Variants in SYNE1 observed in about 807,000 individuals in gnomAD.
SYNE1 encodes the protein nesprin-1.
SYNE1 carries 616 observed loss-of-function variants against 1,111.0 expected under a neutral mutation model. That is an observed-to-expected ratio of 0.55 (90% CI 0.52 to 0.59). The LOEUF (loss-of-function observed/expected upper bound fraction) is 0.59. Ranked by LOEUF, SYNE1 falls within the 20% of genes least tolerant of loss-of-function variation. The probability of loss-of-function intolerance (pLI) is 0.00; values close to 1 mark genes in which losing one functional copy is unlikely to be tolerated. For missense variants in SYNE1, 10,006 were observed against 10,417.0 expected (o/e 0.96, Z 1.72); for synonymous variants, 3,855 against 3,825.8 (o/e 1.01, Z -0.28).
chr6:152,535,969 G>T (rs1265251848), intron 4 of SYNE1, among the ~76,000 whole-genome samples: 1 of 152,018 alleles, frequency 6.6e-6, no homozygotes, highest in African/African-American at 2.4e-5. Context: ...AGACATCCAT[G>T]GTCATTAGGT....
In SYNE1 at chr6:152,135,130, G is replaced by A. The variant is rs778082271; in HGVS notation, c.25762C>T (p.Leu8588Phe). ...PIDSNLDAEI[L>F]QDHHKQLMQI... Reference sequence around the variant, plus strand: ...ATAAGCTGTTTGTGATGGTCCTGAAGTATCTCTGCATCAAGGTTAGAATCA... The same window carrying A: ...ATAAGCTGTTTGTGATGGTCCTGAAATATCTCTGCATCAAGGTTAGAATCA... The change falls in exon 142 of 146, where the codon CTT becomes TTT. Residue 8588 changes from leucine (L) to phenylalanine (F), a missense_variant. Leu to Phe is a conservative substitution (Grantham distance 22). Coordinates refer to ENST00000367255, the MANE Select transcript of SYNE1 (RefSeq NM_182961.4). The A allele has an allele frequency of 6.2e-7, 1 of 1,614,108 alleles. No individual in the cohort carries two copies.
At chr6:152,583,751 G>C (rs199790400) in intron 3 of SYNE1, among the ~76,000 whole-genome samples, 2 of 152,178 alleles carry the variant, frequency 1.3e-5, no homozygotes, top group East Asian at 1.9e-4. Context: ...TTGGAAGAGA[G>C]CACTATGCCT....
At chr6:152,150,294 A>G (rs2060185794) in intron 135 of SYNE1, among the ~76,000 whole-genome samples, 1 of 152,252 alleles carries the variant, frequency 6.6e-6, no homozygotes, top group Non-Finnish European at 1.5e-5. Flanking sequence ...ATTCAATACA[A>G]TAATAAATTG....
chr6:152,406,924 G>T, intron 45 of SYNE1, 90 bp downstream of exon 45: 3 of 973,956 alleles, frequency 3.1e-6, no homozygotes, highest in Non-Finnish European at 2.8e-6. Context: ...GTTAAAAGAA[G>T]AATAAACTTT....
chr6:152,631,434 CT>C (rs1425140607), intron 2 of SYNE1, among the ~76,000 whole-genome samples: 1 of 152,134 alleles, frequency 6.6e-6, no homozygotes, highest in Non-Finnish European at 1.5e-5. Flanking sequence ...GAGTGCTATG[CT>C]CAGAAGTTTG....
chr6:152,193,830 T>G (rs554917457), intron 127 of SYNE1, among the ~76,000 whole-genome samples: 4 of 151,678 alleles, frequency 2.6e-5, no homozygotes, highest in Non-Finnish European at 4.4e-5. Flanking sequence ...ACTAACACGG[T>G]GAAACCCTGT....
intron 55 of SYNE1, among the ~76,000 whole-genome samples, chr6:152,383,755 C>T (rs2097470177): frequency 6.6e-6 from 1 of 152,172 alleles, no homozygotes; most frequent in Non-Finnish European, 1.5e-5. Flanking sequence ...TCACTTTCAA[C>T]TCCATGTCTT....
At chr6:152,554,898 C>T (rs2099359719) in intron 3 of SYNE1, among the ~76,000 whole-genome samples, 1 of 152,316 alleles carries the variant, frequency 6.6e-6, no homozygotes, top group South Asian at 2.1e-4. Flanking sequence ...TCCAAGAAAA[C>T]ATTTTAATTT....
chr6:152,333,935 A>C, intron 77 of SYNE1, 73 bp downstream of exon 77: 3 of 1,595,130 alleles, frequency 1.9e-6, no homozygotes, highest in Middle Eastern at 1.8e-4. Flanking sequence ...ACCTGGGCAC[A>C]TTTTAAATTT....
intron 16 of SYNE1, among the ~76,000 whole-genome samples, chr6:152,470,721 A>T (rs2098800924): frequency 6.6e-6 from 1 of 152,216 alleles, no homozygotes; most frequent in African/African-American, 2.4e-5. Flanking sequence ...AGTCACTGTG[A>T]CTAATCAAGT....
At chr6:152,423,962 T>C (rs1250143545) in intron 39 of SYNE1, among the ~76,000 whole-genome samples, 4 of 152,250 alleles carry the variant, frequency 2.6e-5, no homozygotes, top group African/African-American at 9.6e-5. Flanking sequence ...GTCCCTGCCA[T>C]GCTACCCTGT....
At chr6:152,346,505 T>C (rs1360046481) in intron 73 of SYNE1, among the ~76,000 whole-genome samples, 1 of 152,094 alleles carries the variant, frequency 6.6e-6, no homozygotes. Flanking sequence ...AATCAACTCA[T>C]GGAATAAACA....
intron 43 of SYNE1, 151 bp from the exon 44 acceptor site, chr6:152,409,377 C>G: frequency 9.3e-7 from 1 of 1,074,068 alleles, no homozygotes; most frequent in Non-Finnish European, 1.3e-6. Flanking sequence ...TATATAACAC[C>G]ATTTTCTTGA....
intron 20 of SYNE1, among the ~76,000 whole-genome samples, chr6:152,462,225 C>T (rs2098738102): frequency 6.6e-6 from 1 of 151,934 alleles, no homozygotes; most frequent in African/African-American, 2.4e-5. Flanking sequence ...ATCTATACAT[C>T]ATTAAGTTTT....
At chr6:152,620,710 C>G (rs2099673571) in intron 3 of SYNE1, among the ~76,000 whole-genome samples, 1 of 152,136 alleles carries the variant, frequency 6.6e-6, no homozygotes, top group African/African-American at 2.4e-5. Context: ...TGTCTCTTGA[C>G]TTGTCAAAAA....
chr6:152,385,169 C>T (rs2097505499), intron 55 of SYNE1, among the ~76,000 whole-genome samples: 1 of 152,038 alleles, frequency 6.6e-6, no homozygotes, highest in Non-Finnish European at 1.5e-5. Context: ...GTCTGAAACT[C>T]CCCCAGAAAG....
intron 97 of SYNE1, among the ~76,000 whole-genome samples, chr6:152,279,715 T>TAAA (rs2093909054): frequency 1.3e-5 from 1 of 75,874 alleles, no homozygotes; most frequent in Non-Finnish European, 2.4e-5. Context: ...AGACCTTGTC[T>TAAA]CAAAAAAAAA....
intron 130 of SYNE1, chr6:152,168,402 T>C (rs946884918): frequency 1.8e-6 from 1 of 558,058 alleles, no homozygotes; most frequent in Non-Finnish European, 3.2e-6. Flanking sequence ...TTCATTAACA[T>C]GTGCCAGGCT....
At position 152,459,738 on chromosome 6, in the gene SYNE1, G is replaced by A. The variant is rs796932082; in HGVS notation, c.2395-808C>T. ...CATACTTTCAGATAACCAGGGAAAG[G>A]AAATTAATCAGTATTTGTTAGTAAG... On this transcript the variant is annotated intron_variant, in intron 21 of 145. Coordinates refer to ENST00000367255, the MANE Select transcript of SYNE1 (RefSeq NM_182961.4). Among the ~76,000 whole-genome samples, 4 of 152,246 alleles carry A rather than the reference G, an allele frequency of 2.6e-5. No individual in the cohort carries two copies. The South Asian group carries it at 8.3e-4, about 32-fold the overall frequency.
Sources: gnomAD v4.1 joint callset for allele counts (sites outside exome capture counted in the v4.1 genomes callset) on GRCh38, gnomAD v4.1.1 for gene constraint, MANE v1.5 for transcripts, NCBI Gene and HGNC (gene_info 2026-07-23, HGNC 2026-07-21) for gene names.